Variants in CHD1 observed in about 807,000 individuals in gnomAD.
CHD1 encodes ATP-dependent chromatin remodeler CHD1.
Under a neutral mutation model 224.2 loss-of-function variants are expected in CHD1, and 36 were observed. The observed-to-expected ratio is 0.16, with a 90% CI of 0.12 to 0.21. The LOEUF (loss-of-function observed/expected upper bound fraction) is 0.21. Ranked by LOEUF, CHD1 falls within the 10% of genes least tolerant of loss-of-function variation. The probability of loss-of-function intolerance (pLI) is 1.00; values close to 1 mark genes in which losing one functional copy is unlikely to be tolerated. For synonymous variants in CHD1, 668 were observed against 658.3 expected (o/e 1.01, Z -0.23); for missense variants, 1,378 against 1,994.8 (o/e 0.69, Z 5.89).
In CHD1 at chr5:98,868,582, T is replaced by G; in HGVS notation, c.4161A>C (p.Ser1387=). ...TTGCCGTGATATGAACTGGAGCATCTGACACTGAAGATTTCTTGGATCTTT... is the reference window on the plus strand; with the variant it reads ...TTGCCGTGATATGAACTGGAGCATCGGACACTGAAGATTTCTTGGATCTTT... The part of the protein sequence containing the change: ...GRERSKKSSV[S]DAPVHITASG... The change falls in exon 31 of 36, where the codon TCA becomes TCC. Residue 1387 remains serine, a synonymous_variant. Transcript: ENST00000614616. The G allele has an allele frequency of 1.2e-6, 2 of 1,609,938 alleles. No individual in the cohort carries two copies. Among genetic ancestry groups the G allele is most frequent in the Non-Finnish European group, 1.7e-6 (2 of 1,178,854 alleles).
In CHD1 at chr5:98,889,010, C is replaced by T. The variant is rs144055921; in HGVS notation, c.2343+66G>A. On this transcript the variant is annotated intron_variant, in intron 16 of 35. Coordinates refer to ENST00000614616, the MANE Select transcript of CHD1 (RefSeq NM_001270.4). ...ATAAGTTAAAGCATTGAGCCATTTT[C>T]GATTGTAAGTGAAATCAACATTTCT... 1,293 of 1,144,376 alleles carry T rather than the reference C, an allele frequency of 1.1e-3. 16 individuals are homozygous for T. The African/African-American group carries it at 0.016, about 15-fold the overall frequency. 70.9% of individuals were successfully genotyped at this position (1,144,376 alleles called of 1,614,324 possible).
In CHD1 at chr5:98,928,884, G is replaced by C; in HGVS notation, c.-494C>G. The C allele has an allele frequency of 6.5e-6, 1 of 154,506 alleles. No individual in the cohort carries two copies. Among genetic ancestry groups the C allele is most frequent in the East Asian group, 1.9e-4 (1 of 5,174 alleles). 9.6% of individuals were successfully genotyped at this position (154,506 alleles called of 1,614,324 possible). A position where few individuals can be genotyped will look rare whatever the true frequency, so the allele number is the denominator to read the frequency against. On this transcript the variant is annotated 5_prime_UTR_variant, in exon 1 of 36. Transcript: ENST00000614616. ...TGCCCCCGGCAGCCGCCATGACGCC[G>C]AGAAAGCAAGCGAGCGCAACCGTCT... is the stretch of plus-strand genomic sequence containing the variant.
At chr5:98,925,589 T>C (rs1380236030) in intron 2 of CHD1, among the ~76,000 whole-genome samples, 1 of 152,174 alleles carries the variant, frequency 6.6e-6, no homozygotes, top group Non-Finnish European at 1.5e-5. Context: ...ACATGGATTG[T>C]AAACTAATGT....
chr5:98,898,811 T>G, intron 8 of CHD1, 47 bp from the exon 9 acceptor site: 2 of 1,072,616 alleles, frequency 1.9e-6, no homozygotes, highest in Non-Finnish European at 2.9e-6. Flanking sequence ...CTCCCATAAA[T>G]AACCTTTCAC....
chr5:98,909,952 T>C (rs1028204421), intron 2 of CHD1, among the ~76,000 whole-genome samples: 1 of 152,168 alleles, frequency 6.6e-6, no homozygotes, highest in East Asian at 1.9e-4. Context: ...TATGACAGGA[T>C]GTACCAGGCT....
chr5:98,907,485 G>C (rs2112562399), intron 2 of CHD1, among the ~76,000 whole-genome samples: 1 of 151,946 alleles, frequency 6.6e-6, no homozygotes, highest in African/African-American at 2.4e-5. Flanking sequence ...CTACTTGGGA[G>C]GCTGAGGCAG....
chr5:98,905,923 T>C (rs1361524611), intron 2 of CHD1, among the ~76,000 whole-genome samples: 1 of 152,316 alleles, frequency 6.6e-6, no homozygotes, highest in East Asian at 1.9e-4. Context: ...GCATTAAATT[T>C]CTGGTACATA....
chr5:98,874,376 A>G (rs1167557291), intron 25 of CHD1, among the ~76,000 whole-genome samples: 1 of 151,970 alleles, frequency 6.6e-6, no homozygotes, highest in Non-Finnish European at 1.5e-5. Flanking sequence ...AGTTTGTATA[A>G]TAAGAGAATG....
intron 3 of CHD1, 47 bp from the exon 4 acceptor site, chr5:98,903,955 T>A: frequency 8.1e-7 from 1 of 1,236,216 alleles, no homozygotes; most frequent in Non-Finnish European, 1.1e-6. Context: ...TTAAGAAAAC[T>A]GCAAAAAAAG....
Position 98,854,181 on chromosome 5 carries a change from TTC to T in CHD1, c.*2197_*2198del, listed in dbSNP as rs1313791422. 4.6e-5 allele frequency: 6 copies of T among 130,738 alleles called. No individual in the cohort carries two copies. The highest frequency in any genetic ancestry group is 4.8e-5 in the Non-Finnish European group (3 of 62,184). The allele number at this position is 130,738 out of a possible 1,614,324, so 8.1% of individuals were successfully genotyped here. ...ACCATTGCGTCTTAATTTTTCTGAT[TTC>T]TTACAAAAATGAACATATTTTATCA... On this transcript the variant is annotated 3_prime_UTR_variant, in exon 36 of 36. Coordinates refer to ENST00000614616, the MANE Select transcript of CHD1 (RefSeq NM_001270.4).
chr5:98,876,365 C>G (rs1749757217), intron 24 of CHD1, 33 bp downstream of exon 24: 1 of 1,598,126 alleles, frequency 6.3e-7, no homozygotes, highest in African/African-American at 1.3e-5. Context: ...TCTACTAAAA[C>G]CAAGTTGAAG....
At position 98,918,762 on chromosome 5, in the gene CHD1, A is replaced by AC. The variant is rs1561547643; in HGVS notation, c.53+7571_53+7572insG. Among the ~76,000 whole-genome samples the AC allele has an allele frequency of 1.8e-4, 25 of 137,066 alleles. 1 individual carries two copies. Among genetic ancestry groups the AC allele is most frequent in the African/African-American group, 6.8e-4 (24 of 35,042 alleles). The allele number at this position is 137,066 out of a possible 152,430, so 89.9% of individuals were successfully genotyped here. A position where few individuals can be genotyped will look rare whatever the true frequency, so the allele number is the denominator to read the frequency against. On this transcript the variant is annotated intron_variant, in intron 2 of 35. Transcript: ENST00000614616. ...ACATAGCAAGACTCTTCAAAAAAAA[A>AC]AAAAAACAAAAAAAAAAACTTCCTC...
At chr5:98,898,866 G>T in intron 8 of CHD1, 102 bp from the exon 9 acceptor site, 1 of 694,432 alleles carries the variant, frequency 1.4e-6, no homozygotes, top group Non-Finnish European at 2.5e-6. Flanking sequence ...CTCCCATTTT[G>T]CCACTGTGTG....
chr5:98,921,231 G>C (rs1036320608), intron 2 of CHD1, among the ~76,000 whole-genome samples: 1 of 152,196 alleles, frequency 6.6e-6, no homozygotes, highest in African/African-American at 2.4e-5. Flanking sequence ...ACAATCATCA[G>C]TTGCCATTGT....
At chr5:98,877,572 C>T (rs1276130022) in intron 23 of CHD1, among the ~76,000 whole-genome samples, 1 of 152,172 alleles carries the variant, frequency 6.6e-6, no homozygotes, top group Non-Finnish European at 1.5e-5. Flanking sequence ...TACATCAAAA[C>T]ATATATTCTG....
chr5:98,885,847 CAA>C, intron 17 of CHD1, 198 bp from the exon 18 acceptor site: 1 of 530,366 alleles, frequency 1.9e-6, no homozygotes, highest in South Asian at 2.8e-5. Flanking sequence ...ACTGCACCCT[CAA>C]GAGTAAATAC....
rs1041828183 is a variant in CHD1, at chr5:98,889,352, C to G, written c.2181-114G>C. 3 of 709,600 alleles carry G rather than the reference C, an allele frequency of 4.2e-6. No homozygotes were observed. The South Asian group carries it at 6.8e-5, about 16-fold the overall frequency. The allele number at this position is 709,600 out of a possible 1,614,324, so 44.0% of individuals were successfully genotyped here. ...CGATAGTACCAAAGTAAAACTGTAC[C>G]GTTATAAAATTCACAGCTGTATATA... On this transcript the variant is annotated intron_variant, in intron 15 of 35. Transcript: ENST00000614616.
At chr5:98,905,599 C>G (rs544948508) in intron 2 of CHD1, among the ~76,000 whole-genome samples, 1 of 152,232 alleles carries the variant, frequency 6.6e-6, no homozygotes, top group East Asian at 1.9e-4. Context: ...ATCTCTATCA[C>G]TCCAGGAGAA....
At chr5:98,922,429 C>T (rs1461301474) in intron 2 of CHD1, among the ~76,000 whole-genome samples, 1 of 152,098 alleles carries the variant, frequency 6.6e-6, no homozygotes, top group Non-Finnish European at 1.5e-5. Flanking sequence ...TATTCTTCTT[C>T]CTTTCAGTGA....
Sources: gnomAD v4.1 joint callset for allele counts (sites outside exome capture counted in the v4.1 genomes callset) on GRCh38, gnomAD v4.1.1 for gene constraint, MANE v1.5 for transcripts, NCBI Gene and HGNC (gene_info 2026-07-23, HGNC 2026-07-21) for gene names.